AUH: variants seen among roughly 807,000 people sequenced by gnomAD.
The protein encoded by AUH is AU RNA binding methylglutaconyl-CoA hydratase.
AUH carries 29 observed loss-of-function variants against 42.3 expected under a neutral mutation model. The observed-to-expected ratio is 0.69, with a 90% confidence interval of 0.51 to 0.93. The LOEUF is 0.93. Ranked by LOEUF, AUH falls within the 40% of genes least tolerant of loss-of-function variation. The probability of loss-of-function intolerance (pLI) is 0.00; values close to 1 mark genes in which losing one functional copy is unlikely to be tolerated. For synonymous variants in AUH, 174 were observed against 166.4 expected, an observed-to-expected ratio of 1.05 and a Z score of -0.35; for missense variants, 452 against 438.1, an observed-to-expected ratio of 1.03 and a Z score of -0.28.
intron 9 of AUH, among the ~76,000 whole-genome samples, chr9:91,215,447 T>G (rs1460020252): frequency 6.6e-6 from 1 of 152,180 alleles, no homozygotes; most frequent in Admixed American, 6.5e-5. Flanking sequence ...GTAAATGGCA[T>G]GTACACAGTT....
At chr9:91,356,198 G>T (rs1305411163) in intron 1 of AUH, 43 bp from the exon 2 acceptor site, 1 of 1,525,446 alleles carries the variant, frequency 6.6e-7, no homozygotes, top group Admixed American at 1.7e-5. Flanking sequence ...GAGTGAGCAA[G>T]GCATTCAGAG....
chr9:91,299,916 T>G (rs1294728611), intron 4 of AUH, among the ~76,000 whole-genome samples: 2 of 152,102 alleles, frequency 1.3e-5, no homozygotes, highest in Admixed American at 1.3e-4. Context: ...GCCCTCCAGC[T>G]CACCTCCTTT....
intron 4 of AUH, among the ~76,000 whole-genome samples, chr9:91,322,117 A>C (rs1829626193): frequency 6.6e-6 from 1 of 152,214 alleles, no homozygotes; most frequent in South Asian, 2.1e-4. Context: ...AATATGGAGG[A>C]ACTCCCAAGA....
Position 91,230,090 on chromosome 9 carries a change from C to T in AUH, c.656-9098G>A, listed in dbSNP as rs1391604564. Among the ~76,000 whole-genome samples, 5 of 151,236 alleles carry T rather than the reference C, an allele frequency of 3.3e-5. No homozygotes were observed. The East Asian group carries it at 9.7e-4, about 29-fold the overall frequency. On this transcript the variant is annotated intron_variant, in intron 6 of 9. Transcript: ENST00000375731. Reference sequence around the variant, plus strand: ...GTGGCGTTCTCTGTATTTCCTGAATCTGAATGTTGGCCTGCCTTGCTAGAT... The same window carrying T: ...GTGGCGTTCTCTGTATTTCCTGAATTTGAATGTTGGCCTGCCTTGCTAGAT...
chr9:91,218,211 A>G (rs148481750), intron 7 of AUH, among the ~76,000 whole-genome samples: 15 of 152,342 alleles, frequency 9.8e-5, no homozygotes, highest in African/African-American at 3.6e-4. Flanking sequence ...AGTTTCTATT[A>G]TTAAATTTGA....
At chr9:91,250,436 C>A (rs570688164) in intron 6 of AUH, among the ~76,000 whole-genome samples, 2 of 152,344 alleles carry the variant, frequency 1.3e-5, no homozygotes, top group South Asian at 4.1e-4. Flanking sequence ...GGATCAGTTA[C>A]AGCAGGAGAA....
chr9:91,296,197 C>CATTTTTTTTTTTTTTTTTTTT, intron 5 of AUH, 120 bp from the exon 6 acceptor site: 1 of 1,001,806 alleles, frequency 1.0e-6, no homozygotes, highest in Non-Finnish European at 1.5e-6. Flanking sequence ...ATCACAAATT[C>CATTTTTTTTTTTTTTTTTTTT]TTAAAAAAAA....
intron 3 of AUH, among the ~76,000 whole-genome samples, chr9:91,327,519 C>A (rs764275646): frequency 8.5e-5 from 13 of 152,196 alleles, no homozygotes; most frequent in Admixed American, 2.0e-4. Context: ...TGGCTACCCA[C>A]TTTGGGTCCC....
At chr9:91,331,871 T>C (rs540673966) in intron 3 of AUH, among the ~76,000 whole-genome samples, 7 of 152,326 alleles carry the variant, frequency 4.6e-5, no homozygotes, top group African/African-American at 1.7e-4. Flanking sequence ...ACTAACCATA[T>C]GTCAATAAAG....
intron 3 of AUH, among the ~76,000 whole-genome samples, chr9:91,353,321 T>G (rs943306359): frequency 6.6e-6 from 1 of 152,042 alleles, no homozygotes; most frequent in African/African-American, 2.4e-5. Context: ...TTCTTGACCT[T>G]GTGATCCACC....
At chr9:91,246,936 G>A (rs757752697) in intron 6 of AUH, among the ~76,000 whole-genome samples, 15 of 152,214 alleles carry the variant, frequency 9.9e-5, no homozygotes, top group African/African-American at 1.7e-4. Context: ...TGCCAGCAGC[G>A]GAGCCATGCC....
intron 9 of AUH, 142 bp downstream of exon 9, chr9:91,215,917 A>C: frequency 1.2e-6 from 1 of 841,080 alleles, no homozygotes; most frequent in Non-Finnish European, 2.0e-6. Context: ...CAAATAGCAG[A>C]AACAACTAAT....
intron 3 of AUH, among the ~76,000 whole-genome samples, chr9:91,349,414 AAAT>A (rs1831776993): frequency 6.6e-6 from 1 of 152,192 alleles, no homozygotes; most frequent in Non-Finnish European, 1.5e-5. Flanking sequence ...ATTTCTCACA[AAAT>A]TTCATTTCAA....
chr9:91,268,433 A>ATT (rs370080306), intron 6 of AUH, among the ~76,000 whole-genome samples: 26 of 147,500 alleles, frequency 1.8e-4, no homozygotes, highest in Admixed American at 1.3e-3. Flanking sequence ...CTTCCTAGAC[A>ATT]TTTTTTTTTT....
chr9:91,284,053 C>A (rs933515869), intron 6 of AUH, among the ~76,000 whole-genome samples: 1 of 151,916 alleles, frequency 6.6e-6, no homozygotes, highest in East Asian at 1.9e-4. Flanking sequence ...TGCTACCTGA[C>A]TTCAAACTAT....
chr9:91,284,248 C>T (rs1826216386), intron 6 of AUH, among the ~76,000 whole-genome samples: 1 of 152,118 alleles, frequency 6.6e-6, no homozygotes, highest in African/African-American at 2.4e-5. Context: ...GCTGGGAAAA[C>T]TGGCTAGCCA....
rs141865752 is a variant in AUH, at chr9:91,347,542, C to A, written c.418+8341G>T. The stretch of plus-strand genomic sequence containing the variant: ...TGCTTTTTCTGACAAGCTGCCCCCC[C>A]ATCCTGAAGCTATCTAGGGTCATCT... On this transcript the variant is annotated intron_variant, in intron 3 of 9. Coordinates refer to ENST00000375731, the MANE Select transcript of AUH (RefSeq NM_001698.3). Among the ~76,000 whole-genome samples the A allele has an allele frequency of 1.8e-4, 28 of 152,274 alleles. No homozygotes were observed. In the South Asian group the frequency reaches 4.1e-3, roughly 23 times the overall value.
intron 4 of AUH, among the ~76,000 whole-genome samples, chr9:91,303,209 G>A (rs1169635710): frequency 6.6e-6 from 1 of 152,152 alleles, no homozygotes; most frequent in Non-Finnish European, 1.5e-5. Flanking sequence ...CTATGAAAGT[G>A]GGGAAAATTA....
At chr9:91,232,931 A>G (rs973733782) in intron 6 of AUH, among the ~76,000 whole-genome samples, 3 of 152,230 alleles carry the variant, frequency 2.0e-5, no homozygotes, top group Non-Finnish European at 2.9e-5. Flanking sequence ...AGTAATTGCA[A>G]TCATCACCTC....
Sources: gnomAD v4.1 joint callset for allele counts (sites outside exome capture counted in the v4.1 genomes callset) on GRCh38, gnomAD v4.1.1 for gene constraint, MANE v1.5 for transcripts, NCBI Gene and HGNC (gene_info 2026-07-23, HGNC 2026-07-21) for gene names.